The following CSNK1G1 variants were observed in gnomAD, a reference collection of about 807,000 sequenced individuals.
The protein encoded by CSNK1G1 is casein kinase I isoform gamma-1.
In CSNK1G1, 22 loss-of-function variants were observed where a neutral mutation model predicts 59.6. The observed-to-expected ratio is 0.37, with a 90% CI of 0.26 to 0.53. The LOEUF (loss-of-function observed/expected upper bound fraction) is 0.53. Ranked by LOEUF, CSNK1G1 falls within the 20% of genes least tolerant of loss-of-function variation. CSNK1G1 has a pLI of 0.89. For missense variants in CSNK1G1, 384 were observed against 519.5 expected (o/e 0.74, Z 2.54); for synonymous variants, 179 against 177.1 (o/e 1.01, Z -0.08).
chr15:64,243,139 T>C (rs1047619067), intron 4 of CSNK1G1, among the ~76,000 whole-genome samples: 8 of 151,914 alleles, frequency 5.3e-5, no homozygotes, highest in African/African-American at 1.9e-4. Context: ...AGATCGAGAC[T>C]ATCCTGGCCA....
intron 4 of CSNK1G1, among the ~76,000 whole-genome samples, chr15:64,241,688 A>G (rs1891468268): frequency 2.6e-5 from 4 of 152,170 alleles, no homozygotes; most frequent in Admixed American, 2.6e-4. Context: ...AAATTCAACA[A>G]CATGCTCCTG....
At chr15:64,303,253 C>CA (rs1205938122) in intron 1 of CSNK1G1, among the ~76,000 whole-genome samples, 30 of 106,944 alleles carry the variant, frequency 2.8e-4, no homozygotes, top group Middle Eastern at 5.0e-3. Context: ...AAAAAAAAAA[C>CA]AAAAAAAAAA....
At chr15:64,180,651 T>C (rs2081801370) in intron 10 of CSNK1G1, among the ~76,000 whole-genome samples, 197 bp from the exon 11 acceptor site, 1 of 152,226 alleles carries the variant, frequency 6.6e-6, no homozygotes, top group Non-Finnish European at 1.5e-5. Context: ...ATGATGATAA[T>C]AACTTACATA....
intron 1 of CSNK1G1, among the ~76,000 whole-genome samples, chr15:64,306,331 T>C (rs528187457): frequency 3.9e-5 from 6 of 152,336 alleles, no homozygotes; most frequent in South Asian, 2.1e-4. Context: ...AGCAAAATAT[T>C]TGAATCAGAC....
chr15:64,353,832 A>C (rs1406245392), intron 1 of CSNK1G1, among the ~76,000 whole-genome samples: 1 of 152,156 alleles, frequency 6.6e-6, no homozygotes, highest in African/African-American at 2.4e-5. Flanking sequence ...AGACCTTGTC[A>C]CTAAAAATAA....
Position 64,300,637 on chromosome 15 carries a change from T to A in CSNK1G1, c.-138A>T. ...CTTTTAGCACCATATTTGTTTGTAA[T>A]GTATCTCCGGGAGATGAAAAACCAT... On this transcript the variant is annotated 5_prime_UTR_variant, in exon 2 of 12. Coordinates refer to ENST00000303052, the MANE Select transcript of CSNK1G1 (RefSeq NM_022048.5). The A allele has an allele frequency of 7.4e-7, 1 of 1,354,174 alleles. No individual in the cohort carries two copies. The highest frequency in any genetic ancestry group is 9.5e-7 in the Non-Finnish European group (1 of 1,049,152). The allele number at this position is 1,354,174 out of a possible 1,614,324, so 83.9% of individuals were successfully genotyped here.
intron 10 of CSNK1G1, among the ~76,000 whole-genome samples, chr15:64,195,426 T>G (rs753275884): frequency 2.4e-4 from 36 of 152,226 alleles, no homozygotes; most frequent in Non-Finnish European, 4.1e-4. Context: ...CATTGCGGTG[T>G]AATGTTTATG....
chr15:64,280,550 C>A (rs965424005), intron 2 of CSNK1G1, among the ~76,000 whole-genome samples: 5 of 152,098 alleles, frequency 3.3e-5, no homozygotes, highest in Admixed American at 6.6e-5. Context: ...TTAGTAGAGA[C>A]AGGATTTCAC....
At chr15:64,298,755 G>A (rs1224111712) in intron 2 of CSNK1G1, among the ~76,000 whole-genome samples, 3 of 152,152 alleles carry the variant, frequency 2.0e-5, no homozygotes, top group African/African-American at 7.2e-5. Flanking sequence ...GAGGTGGTCA[G>A]GCGTAGTGGC....
intron 6 of CSNK1G1, 117 bp from the exon 7 acceptor site, chr15:64,207,711 A>C (rs551047396): frequency 1.7e-5 from 12 of 699,360 alleles, no homozygotes; most frequent in African/African-American, 1.6e-4. Context: ...CTTACTAATT[A>C]CTTGTATATT....
chr15:64,182,678 C>T (rs1270851203), intron 10 of CSNK1G1, among the ~76,000 whole-genome samples: 1 of 152,174 alleles, frequency 6.6e-6, no homozygotes, highest in Non-Finnish European at 1.5e-5. Context: ...ATGTCTGCAA[C>T]TTACTTTCAT....
intron 4 of CSNK1G1, among the ~76,000 whole-genome samples, chr15:64,228,205 C>A (rs1433365464): frequency 9.2e-5 from 14 of 152,150 alleles, no homozygotes; most frequent in Admixed American, 5.2e-4. Context: ...CAATTCCAGT[C>A]CCTGGTCTTG....
chr15:64,333,720 A>G lies in CSNK1G1; in HGVS notation c.-225+22268T>C, dbSNP rs118166537. 5.9e-3 allele frequency among the ~76,000 whole-genome samples: 899 copies of G among 152,306 alleles called. 7 individuals are homozygous for G. The highest frequency in any genetic ancestry group is 0.011 in the Non-Finnish European group (720 of 68,020). On this transcript the variant is annotated intron_variant, in intron 1 of 11. Transcript: ENST00000303052. ...TCACCTAACACCTAAGGATTCCTAC[A>G]TGCAAACGGAAACCAAAAGCAAGAA...
intron 2 of CSNK1G1, among the ~76,000 whole-genome samples, chr15:64,299,860 C>T (rs949679058): frequency 1.3e-5 from 2 of 152,090 alleles, no homozygotes; most frequent in Non-Finnish European, 2.9e-5. Flanking sequence ...ACTGTATATC[C>T]TTGCAGACTA....
intron 1 of CSNK1G1, among the ~76,000 whole-genome samples, chr15:64,320,316 T>A (rs1896491993): frequency 6.6e-6 from 1 of 151,732 alleles, no homozygotes; most frequent in Admixed American, 6.6e-5. Context: ...AGGTGTAGAG[T>A]GGCAAAGTGA....
intron 10 of CSNK1G1, among the ~76,000 whole-genome samples, chr15:64,189,752 C>A (rs1167764069): frequency 6.6e-6 from 1 of 151,996 alleles, no homozygotes; most frequent in Non-Finnish European, 1.5e-5. Context: ...TAAAGCTCAC[C>A]CGTAAGTCAC....
chr15:64,180,364 C>T lies in CSNK1G1; in HGVS notation c.1198G>A (p.Val400Ile). 6.2e-7 allele frequency: 1 copy of T among 1,614,062 alleles called. No individual in the cohort carries two copies. Among genetic ancestry groups the T allele is most frequent in the Non-Finnish European group, 8.5e-7 (1 of 1,179,896 alleles). ...APITAHAEVE[V>I]VEEAKCCCFF... is the part of the protein sequence containing the mutation. ...TGTACGTACTTAGCTTCCTCCACTA[C>T]CTCCACCTCGGCATGAGCTGTGATT... Residue 400 changes from valine (V) to isoleucine (I), a missense_variant, in exon 11 of 12, where the codon GTA becomes ATA. Physicochemically the swap from Val to Ile is conservative, Grantham distance 29 (BLOSUM62 3). Transcript: ENST00000303052.
intron 2 of CSNK1G1, among the ~76,000 whole-genome samples, chr15:64,262,335 G>A (rs565764029): frequency 2.0e-5 from 3 of 152,346 alleles, no homozygotes; most frequent in African/African-American, 4.8e-5. Context: ...GCTTGGATAC[G>A]GAGGGTAGTG....
intron 10 of CSNK1G1, among the ~76,000 whole-genome samples, chr15:64,202,449 T>C (rs530604882): frequency 6.6e-6 from 1 of 151,468 alleles, no homozygotes. Context: ...GTGCCCAGAG[T>C]AGCCTCCAAC....
Sources: allele counts gnomAD v4.1 joint callset (sites outside exome capture counted in the v4.1 genomes callset), GRCh38; gene constraint gnomAD v4.1.1; transcripts MANE v1.5; gene names NCBI Gene and HGNC (gene_info 2026-07-23, HGNC 2026-07-21).